Variants in PCDHGB4 observed in about 807,000 individuals in gnomAD.
The protein encoded by PCDHGB4 is protocadherin gamma subfamily B, 4.
PCDHGB4 carries 38 observed loss-of-function variants against 60.5 expected under a neutral mutation model. That is an observed-to-expected ratio of 0.63 (90% confidence interval 0.48 to 0.82). The LOEUF (loss-of-function observed/expected upper bound fraction) is 0.82. PCDHGB4 is among the 40% of genes least tolerant of loss of function. The pLI, the probability that PCDHGB4 is intolerant of heterozygous loss-of-function variation, is 0.00. For missense variants in PCDHGB4, 1,109 were observed against 1,209.6 expected (o/e 0.92, Z 1.23); for synonymous variants, 456 against 509.7 (o/e 0.89, Z 1.42).
chr5:141,461,286 C>T (rs2099012487), intron 1 of PCDHGB4, among the ~76,000 whole-genome samples: 1 of 152,144 alleles, frequency 6.6e-6, no homozygotes, highest in Admixed American at 6.6e-5. Context: ...TTCCCCACAT[C>T]CACACCAACA....
intron 2 of PCDHGB4, among the ~76,000 whole-genome samples, chr5:141,496,410 A>G (rs77823969): frequency 0.019 from 2,839 of 152,308 alleles, 40 homozygotes; most frequent in Middle Eastern, 0.082. Context: ...ATGGTTGAGT[A>G]CTTGCTGTCC....
At chr5:141,424,956 T>A (rs1435882776) in intron 1 of PCDHGB4, among the ~76,000 whole-genome samples, 1 of 152,176 alleles carries the variant, frequency 6.6e-6, no homozygotes, top group African/African-American at 2.4e-5. Context: ...TTCTAGGTAT[T>A]TGCCCCAAAT....
chr5:141,450,479 G>GTTTT (rs1165567597), intron 1 of PCDHGB4, among the ~76,000 whole-genome samples: 124 of 152,020 alleles, frequency 8.2e-4, no homozygotes, highest in African/African-American at 2.9e-3. Flanking sequence ...GAGTTTGTTT[G>GTTTT]TTTGTTTGTC....
rs769514553 is a variant in PCDHGB4, at chr5:141,490,072, G to T, written c.2398-4735G>T. On this transcript the variant is annotated intron_variant, in intron 1 of 3. Transcript: ENST00000519479. The surrounding 1 kb of genome is among the most constrained non-coding windows in gnomAD (Gnocchi z 5.4). Reference sequence around the variant, plus strand: ...AGACGAGGGCACCAACGGCCAACTAGACTATTCTTTTGGAGACCACACATC... The same window carrying T: ...AGACGAGGGCACCAACGGCCAACTATACTATTCTTTTGGAGACCACACATC... 2 of 1,614,254 alleles carry T rather than the reference G, an allele frequency of 1.2e-6. No homozygotes were observed. Among genetic ancestry groups the T allele is most frequent in the South Asian group, 2.2e-5 (2 of 91,090 alleles).
At chr5:141,448,185 G>A (rs2098572532) in intron 1 of PCDHGB4, among the ~76,000 whole-genome samples, 1 of 152,020 alleles carries the variant, frequency 6.6e-6, no homozygotes, top group Non-Finnish European at 1.5e-5. Flanking sequence ...CCCTGGTTAT[G>A]TACACTTACA....
At chr5:141,413,970 G>A in intron 1 of PCDHGB4, 1 of 1,613,450 alleles carries the variant, frequency 6.2e-7, no homozygotes, top group Non-Finnish European at 8.5e-7. Flanking sequence ...GCACTCAGCT[G>A]CTGACAGTCA....
intron 1 of PCDHGB4, chr5:141,399,859 G>T: frequency 1.2e-6 from 2 of 1,612,844 alleles, no homozygotes; most frequent in Non-Finnish European, 1.7e-6. Context: ...GCCGCGCGCT[G>T]CAGAGCCCGG....
chr5:141,469,731 C>T (rs1332201791), intron 1 of PCDHGB4, among the ~76,000 whole-genome samples: 1 of 152,214 alleles, frequency 6.6e-6, no homozygotes, highest in Non-Finnish European at 1.5e-5. Context: ...ATCATAAATA[C>T]ACACCTCAAA....
In PCDHGB4 at chr5:141,418,848, G is replaced by A. The variant is rs770294020; in HGVS notation, c.2397+28567G>A. 20 of 1,613,836 alleles carry A rather than the reference G, an allele frequency of 1.2e-5. No individual in the cohort carries two copies. Among genetic ancestry groups the A allele is most frequent in the South Asian group, 6.6e-5 (6 of 91,080 alleles). ...AAAGACCGAGGATCTCTCTCAACAC[G>A]GTGTAAAGTAATTGTAGAAGTTGTA... On this transcript the variant is annotated intron_variant, in intron 1 of 3. Coordinates refer to ENST00000519479, the MANE Select transcript of PCDHGB4 (RefSeq NM_003736.4).
intron 1 of PCDHGB4, among the ~76,000 whole-genome samples, chr5:141,436,793 C>A (rs752376420): frequency 6.6e-6 from 1 of 152,178 alleles, no homozygotes; most frequent in Non-Finnish European, 1.5e-5. Context: ...TAAAACTGTT[C>A]TAAAATTTTT....
chr5:141,395,407 G>A (rs1467176036), intron 1 of PCDHGB4: 1 of 826,654 alleles, frequency 1.2e-6, no homozygotes, highest in Non-Finnish European at 1.8e-6. Context: ...ATAGTCATAG[G>A]TTATTGTTTC....
chr5:141,450,150 G>T (rs1314865325), intron 1 of PCDHGB4, among the ~76,000 whole-genome samples: 1 of 150,342 alleles, frequency 6.7e-6, no homozygotes, highest in Non-Finnish European at 1.5e-5. Flanking sequence ...GGGACTACAG[G>T]CATGTGCCAC....
chr5:141,440,905 C>A (rs986711694), intron 1 of PCDHGB4: 1 of 152,184 alleles, frequency 6.6e-6, no homozygotes, highest in East Asian at 1.9e-4. Context: ...TGCATCCGGG[C>A]ACTCCTGTGC....
At position 141,431,595 on chromosome 5, in the gene PCDHGB4, A is replaced by G; in HGVS notation, c.2397+41314A>G. The G allele has an allele frequency of 6.2e-7, 1 of 1,614,218 alleles. No homozygotes were observed. The highest frequency in any genetic ancestry group is 8.5e-7 in the Non-Finnish European group (1 of 1,180,034). On this transcript the variant is annotated intron_variant, in intron 1 of 3. Transcript: ENST00000519479. The surrounding 1 kb of genome is among the most constrained non-coding windows in gnomAD (Gnocchi z 4.8). Reference sequence around the variant, plus strand: ...GAAGGAGTCAATGCGGAAGTGAGGTATTCCTTCCGGTATGTGGACGACAAG... The same window carrying G: ...GAAGGAGTCAATGCGGAAGTGAGGTGTTCCTTCCGGTATGTGGACGACAAG...
rs542816387 is a variant in PCDHGB4, at chr5:141,394,624, T to G, written c.2397+4343T>G. ...AGAGACTCGGGCCAGAACGCCTGGC[T>G]GTCCTACCGCCTGCTCAAGGCCAGC... On this transcript the variant is annotated intron_variant, in intron 1 of 3. Transcript: ENST00000519479. 2.5e-6 allele frequency: 4 copies of G among 1,613,110 alleles called. No individual in the cohort carries two copies. The South Asian group carries it at 3.3e-5, about 13-fold the overall frequency.
At chr5:141,482,528 T>C (rs945815289) in intron 1 of PCDHGB4, among the ~76,000 whole-genome samples, 1 of 56,520 alleles carries the variant, frequency 1.8e-5, no homozygotes, top group Non-Finnish European at 2.8e-5. Flanking sequence ...GAGACAGACA[T>C]GCAAAAAAAA....
intron 1 of PCDHGB4, chr5:141,433,123 C>G (rs575738328): frequency 3.7e-6 from 6 of 1,614,116 alleles, no homozygotes; most frequent in Non-Finnish European, 5.1e-6. Context: ...TTGAAAAAAG[C>G]GAGCCCCTTT....
At chr5:141,410,338 C>T (rs1050053577) in intron 1 of PCDHGB4, 35 of 1,613,900 alleles carry the variant, frequency 2.2e-5, no homozygotes, top group Non-Finnish European at 2.2e-5. Context: ...TGGCCATTGC[C>T]TTGCGCCTGC....
In PCDHGB4 at chr5:141,417,959, C is replaced by T. The variant is rs759279387; in HGVS notation, c.2397+27678C>T. 7.4e-6 allele frequency: 12 copies of T among 1,613,616 alleles called. No homozygotes were observed. The highest frequency in any genetic ancestry group is 4.0e-5 in the African/African-American group (3 of 74,932). On this transcript the variant is annotated intron_variant, in intron 1 of 3. Coordinates refer to ENST00000519479, the MANE Select transcript of PCDHGB4 (RefSeq NM_003736.4). The stretch of plus-strand genomic sequence containing the variant: ...CTACCCCACGCTGTGTGAGCCGATC[C>T]GCTACTCGATTCCGGAGGAGCTGGC...
Sources: gnomAD v4.1 joint callset for allele counts (sites outside exome capture counted in the v4.1 genomes callset) on GRCh38, gnomAD v4.1.1 for gene constraint, Gnocchi (gnomAD v3.1) non-coding constraint, MANE v1.5 for transcripts, NCBI Gene and HGNC (gene_info 2026-07-23, HGNC 2026-07-21) for gene names.